Variants in SCARA5 observed in about 807,000 individuals in gnomAD.
The protein encoded by SCARA5 is scavenger receptor class A member 5.
SCARA5 carries 45 observed loss-of-function variants against 46.3 expected under a neutral mutation model. The ratio of observed to expected loss-of-function variants is 0.97; its 90% CI spans 0.76 to 1.24. The LOEUF (loss-of-function observed/expected upper bound fraction) is 1.24. SCARA5 is among the 50% of genes most tolerant of loss of function. The pLI is 0.00. For synonymous variants in SCARA5, 333 were observed against 306.5 expected, an observed-to-expected ratio of 1.09 and a Z score of -0.90; for missense variants, 680 against 689.0, an observed-to-expected ratio of 0.99 and a Z score of 0.15.
At chr8:27,915,383 G>A (rs1388030282) in intron 4 of SCARA5, among the ~76,000 whole-genome samples, 4 of 152,142 alleles carry the variant, frequency 2.6e-5, no homozygotes, top group East Asian at 1.9e-4. Context: ...AGCAGAGTCC[G>A]TGTGGAAGGA....
chr8:27,978,765 C>A (rs1202988274), intron 2 of SCARA5, among the ~76,000 whole-genome samples: 1 of 152,138 alleles, frequency 6.6e-6, no homozygotes, highest in Non-Finnish European at 1.5e-5. Context: ...CCCATCTCGG[C>A]CTCCCAAAGC....
intron 3 of SCARA5, among the ~76,000 whole-genome samples, chr8:27,937,503 C>T (rs1279755598): frequency 1.3e-5 from 2 of 152,196 alleles, no homozygotes; most frequent in African/African-American, 2.4e-5. Context: ...ATTTGCTTTT[C>T]CTCCTTCCTG....
chr8:27,888,941 C>G (rs1806939430), intron 7 of SCARA5, among the ~76,000 whole-genome samples: 1 of 152,176 alleles, frequency 6.6e-6, no homozygotes, highest in Non-Finnish European at 1.5e-5. Context: ...TGTTTCACCC[C>G]ACAACTTTTC....
chr8:27,960,833 T>TAA (rs11452559), intron 3 of SCARA5, among the ~76,000 whole-genome samples: 12 of 152,028 alleles, frequency 7.9e-5, no homozygotes, highest in South Asian at 4.2e-4. Flanking sequence ...GTGATCATGT[T>TAA]AAAAAAACAT....
chr8:27,955,210 A>G (rs1808189042), intron 3 of SCARA5, among the ~76,000 whole-genome samples: 1 of 152,132 alleles, frequency 6.6e-6, no homozygotes, highest in South Asian at 2.1e-4. Context: ...CTGAGCTCAG[A>G]TTGGGACTCT....
At chr8:27,941,264 T>C (rs1192262018) in intron 3 of SCARA5, among the ~76,000 whole-genome samples, 2 of 152,196 alleles carry the variant, frequency 1.3e-5, no homozygotes, top group Admixed American at 1.3e-4. Context: ...ATTGGTTGGG[T>C]CCTTAGACAC....
At chr8:27,940,861 AATT>A (rs1273088112) in intron 3 of SCARA5, among the ~76,000 whole-genome samples, 1 of 151,996 alleles carries the variant, frequency 6.6e-6, no homozygotes, top group Non-Finnish European at 1.5e-5. Context: ...GGGTTTTCCC[AATT>A]AAAAACACTA....
chr8:27,976,108 C>A (rs1255243652), intron 2 of SCARA5, among the ~76,000 whole-genome samples: 1 of 151,970 alleles, frequency 6.6e-6, no homozygotes, highest in Non-Finnish European at 1.5e-5. Context: ...TGTGCGTCTT[C>A]TTCCGCAGCC....
Position 27,872,552 on chromosome 8 carries a change from G to A in SCARA5, c.1352-482C>T, listed in dbSNP as rs368017268. 1.5e-4 allele frequency among the ~76,000 whole-genome samples: 23 copies of A among 152,304 alleles called. No homozygotes were observed. In the East Asian group the frequency reaches 3.3e-3, roughly 22 times the overall value. On this transcript the variant is annotated intron_variant, in intron 8 of 8. Transcript: ENST00000354914. ...CACGGGATTGCCATGCAGTGAATCC[G>A]GGGATGGAGGAGGGAGGAGAGGCCC... is the stretch of plus-strand genomic sequence containing the variant.
At chr8:27,877,538 G>C (rs1028819994) in intron 8 of SCARA5, among the ~76,000 whole-genome samples, 9 of 152,150 alleles carry the variant, frequency 5.9e-5, no homozygotes, top group African/African-American at 2.2e-4. Flanking sequence ...ACCTATTCTG[G>C]CTTCTTGAAA....
At position 27,979,625 on chromosome 8, in the gene SCARA5, C is replaced by T. The variant is rs145148558; in HGVS notation, c.112+7879G>A. On this transcript the variant is annotated intron_variant, in intron 2 of 8. Transcript: ENST00000354914. ...CTGGAGTGCAATGGCATGATCTTGG[C>T]TCACTGCAACCTCTGCCTCCCAGGT... 2.5e-3 allele frequency among the ~76,000 whole-genome samples: 375 copies of T among 151,600 alleles called. 3 individuals are homozygous for T. The highest frequency in any genetic ancestry group is 8.5e-3 in the African/African-American group (350 of 41,260).
At chr8:27,990,119 G>A (rs767760979) in intron 1 of SCARA5, among the ~76,000 whole-genome samples, 2 of 152,174 alleles carry the variant, frequency 1.3e-5, no homozygotes, top group African/African-American at 2.4e-5. Context: ...TGGAATGCAC[G>A]GCTTGTTAGC....
At chr8:27,966,563 G>A (rs770376806) in intron 2 of SCARA5, 21 bp from the exon 3 acceptor site, 10 of 1,585,740 alleles carry the variant, frequency 6.3e-6, no homozygotes, top group Non-Finnish European at 7.7e-6. Context: ...AGGGTAAGAG[G>A]AGGAAGGAAA....
chr8:27,919,040 G>A (rs866273656), intron 4 of SCARA5, among the ~76,000 whole-genome samples: 112 of 115,360 alleles, frequency 9.7e-4, no homozygotes, highest in African/African-American at 4.1e-3. Flanking sequence ...GGAGGAGGAG[G>A]AGAGAAGGGA....
chr8:27,876,900 G>A (rs941821820), intron 8 of SCARA5, among the ~76,000 whole-genome samples: 2 of 152,136 alleles, frequency 1.3e-5, no homozygotes, highest in African/African-American at 4.8e-5. Context: ...CTGGGAGTGG[G>A]GTTGGGGCAC....
chr8:27,899,223 A>C (rs1484971921), intron 7 of SCARA5, among the ~76,000 whole-genome samples: 1 of 152,104 alleles, frequency 6.6e-6, no homozygotes, highest in Admixed American at 6.5e-5. Context: ...GTCTTCACTA[A>C]CTCCAGGTTG....
At chr8:27,933,389 G>A (rs943733119) in intron 3 of SCARA5, among the ~76,000 whole-genome samples, 1 of 152,084 alleles carries the variant, frequency 6.6e-6, no homozygotes, top group African/African-American at 2.4e-5. Context: ...AGCTGTGGTG[G>A]CGCACACCTG....
intron 1 of SCARA5, among the ~76,000 whole-genome samples, chr8:27,989,245 C>T (rs989026818): frequency 1.3e-5 from 2 of 150,246 alleles, no homozygotes. Context: ...AAGTGATCCT[C>T]CCAACTCATC....
At chr8:27,882,591 C>T (rs1032552822) in intron 7 of SCARA5, among the ~76,000 whole-genome samples, 1 of 152,164 alleles carries the variant, frequency 6.6e-6, no homozygotes, top group Non-Finnish European at 1.5e-5. Flanking sequence ...TGTTCACTTT[C>T]CCACTAGGCT....
Sources: gnomAD v4.1 joint callset for allele counts (sites outside exome capture counted in the v4.1 genomes callset) on GRCh38, gnomAD v4.1.1 for gene constraint, MANE v1.5 for transcripts, NCBI Gene and HGNC (gene_info 2026-07-23, HGNC 2026-07-21) for gene names.